Variants in ALG6 observed in about 807,000 individuals in gnomAD.
ALG6 encodes the protein ALG6 alpha-1,3-glucosyltransferase, also known as dolichyl pyrophosphate Man9GlcNAc2 alpha-1,3-glucosyltransferase.
Under a neutral mutation model 66.6 loss-of-function variants are expected in ALG6, and 46 were observed. The observed-to-expected ratio is 0.69, with a 90% CI of 0.55 to 0.88. The LOEUF is 0.88. Ranked by LOEUF, ALG6 falls within the 40% of genes least tolerant of loss-of-function variation. The probability of loss-of-function intolerance (pLI) is 0.00; values close to 1 mark genes in which losing one functional copy is unlikely to be tolerated. For missense variants in ALG6, 505 were observed against 586.8 expected (o/e 0.86, Z 1.44); for synonymous variants, 185 against 203.7 (o/e 0.91, Z 0.78).
rs1644456243 is a variant in ALG6 at position 63,400,331 on chromosome 1, ATATACGTATATATATATG to A, written c.168-1918_168-1901del. ...TGTATATATATATACGTATATATAT[ATATACGTATATATATATG>A]TATATATATATGTATATATATGTAT... On this transcript the variant is annotated intron_variant, in intron 3 of 14. Coordinates refer to ENST00000263440, the MANE Select transcript of ALG6 (RefSeq NM_013339.4). Among the ~76,000 whole-genome samples the A allele has an allele frequency of 1.6e-4, 3 of 19,174 alleles. 1 individual carries two copies. Among genetic ancestry groups the A allele is most frequent in the Admixed American group, 1.0e-3 (2 of 1,952 alleles). 12.6% of individuals were successfully genotyped at this position (19,174 alleles called of 152,430 possible).
chr1:63,375,073 T>C (rs1648074376), intron 2 of ALG6, among the ~76,000 whole-genome samples: 1 of 152,034 alleles, frequency 6.6e-6, no homozygotes, highest in Non-Finnish European at 1.5e-5. Context: ...TGATGGCACA[T>C]GCCTGTAGTC....
chr1:63,435,614 T>C (rs1644673865), intron 14 of ALG6, among the ~76,000 whole-genome samples: 1 of 152,196 alleles, frequency 6.6e-6, no homozygotes, highest in Non-Finnish European at 1.5e-5. Flanking sequence ...TGTATACCTG[T>C]GTACTGTGCT....
At chr1:63,422,269 A>ATT (rs1491547704) in intron 12 of ALG6, among the ~76,000 whole-genome samples, 5 of 73,282 alleles carry the variant, frequency 6.8e-5, no homozygotes, top group African/African-American at 3.7e-4. Flanking sequence ...ATAGATATAA[A>ATT]TATATATATA....
intron 3 of ALG6, among the ~76,000 whole-genome samples, chr1:63,400,174 A>G (rs528462718): frequency 3.2e-5 from 4 of 126,784 alleles, no homozygotes; most frequent in African/African-American, 1.2e-4. Context: ...AGCCTGGGCA[A>G]CAAGAGCAAA....
rs150976885 is a variant in ALG6, at chr1:63,428,935, C to T, written c.1135C>T (p.Pro379Ser). ...FLLVSTFSML[P>S]LLLKDELLMP... ...AAAAATTTTCCTTTACAGTATGCTACCTCTTCTATTGAAGGATGAACTCCT... is the reference window on the plus strand; with the variant it reads ...AAAAATTTTCCTTTACAGTATGCTATCTCTTCTATTGAAGGATGAACTCCT... The change falls in exon 14 of 15, where the codon CCT (proline) becomes TCT (serine). Residue 379 changes from proline (P) to serine (S), a missense_variant. By Grantham distance (74) the Pro-to-Ser change is moderately conservative. Transcript: ENST00000263440. 4.3e-5 allele frequency: 69 copies of T among 1,612,942 alleles called. No individual in the cohort carries two copies. The highest frequency in any genetic ancestry group is 5.8e-5 in the Non-Finnish European group (69 of 1,179,494).
At chr1:63,419,485 A>T (rs1444171258) in intron 12 of ALG6, 45 bp downstream of exon 12, 6 of 1,341,086 alleles carry the variant, frequency 4.5e-6, no homozygotes, top group Non-Finnish European at 6.3e-6. Flanking sequence ...TTTATAATAT[A>T]ACTTTATAAT....
intron 12 of ALG6, among the ~76,000 whole-genome samples, chr1:63,423,444 C>A (rs1280898812): frequency 1.3e-5 from 2 of 152,206 alleles, no homozygotes; most frequent in Non-Finnish European, 2.9e-5. Context: ...AGCATCACCA[C>A]TATCTACCTC....
chr1:63,432,258 G>GTTTTT lies in ALG6; in HGVS notation c.1326+3133_1326+3134insTTTTT, dbSNP rs139890401. 2.2e-3 allele frequency among the ~76,000 whole-genome samples: 322 copies of GTTTTT among 149,646 alleles called. 2 individuals are homozygous for GTTTTT. Among genetic ancestry groups the GTTTTT allele is most frequent in the African/African-American group, 7.8e-3 (316 of 40,738 alleles). On this transcript the variant is annotated intron_variant, in intron 14 of 14. Coordinates refer to ENST00000263440, the MANE Select transcript of ALG6 (RefSeq NM_013339.4). ...TCTTTTTCTGCATCTTTGGTCATGT[G>GTTTTT]TGTTTTTTTTCTTTTATTCTATTAT...
chr1:63,429,872 T>TGTGC (rs1160157091), intron 14 of ALG6: 3 of 152,454 alleles, frequency 2.0e-5, no homozygotes, highest in Non-Finnish European at 4.4e-5. Flanking sequence ...TGTGTGTGTG[T>TGTGC]GTGTGTGTGT....
intron 2 of ALG6, among the ~76,000 whole-genome samples, chr1:63,388,672 C>T (rs1421774953): frequency 6.6e-6 from 1 of 152,006 alleles, no homozygotes; most frequent in Non-Finnish European, 1.5e-5. Context: ...GAGTTTTGTA[C>T]CTTCAGATGA....
intron 12 of ALG6, among the ~76,000 whole-genome samples, chr1:63,423,423 A>G (rs1477524003): frequency 6.6e-6 from 1 of 152,180 alleles, no homozygotes; most frequent in Admixed American, 6.5e-5. Context: ...GTACATTCAC[A>G]CTGTTGTGCA....
intron 14 of ALG6, among the ~76,000 whole-genome samples, chr1:63,435,723 T>A (rs3004317): frequency 0.34 from 51,490 of 152,044 alleles, 8,956 homozygotes; most frequent in East Asian, 0.48. Context: ...GACATATATA[T>A]AAATTTAAAC....
Position 63,433,230 on chromosome 1 carries a change from C to A in ALG6, c.1327-3593C>A, listed in dbSNP as rs183630047. Among the ~76,000 whole-genome samples the A allele has an allele frequency of 6.6e-6, 1 of 152,168 alleles. No homozygotes were observed. The highest frequency in any genetic ancestry group is 1.5e-5 in the Non-Finnish European group (1 of 68,032). ...TGCTGGGATTACAGGCGTGAGCTAC[C>A]GCGCCCAGCCCAACAGGCTATACTT... On this transcript the variant is annotated intron_variant, in intron 14 of 14. Transcript: ENST00000263440. This position sits in a 1 kb window ranked among gnomAD's most constrained non-coding sequence, Gnocchi z 4.2.
intron 7 of ALG6, among the ~76,000 whole-genome samples, chr1:63,408,744 G>T (rs766371418): frequency 6.6e-6 from 1 of 152,098 alleles, no homozygotes; most frequent in Non-Finnish European, 1.5e-5. Flanking sequence ...AACTCTGAAG[G>T]CTTTCAGGCA....
intron 14 of ALG6, among the ~76,000 whole-genome samples, chr1:63,430,830 CTG>C (rs145472005): frequency 0.022 from 3,285 of 152,208 alleles, 125 homozygotes; most frequent in African/African-American, 0.074. Context: ...CTCTCCCATT[CTG>C]TGTGTTGCCT....
At chr1:63,424,675 A>G (rs1288301809) in intron 12 of ALG6, among the ~76,000 whole-genome samples, 7 of 151,992 alleles carry the variant, frequency 4.6e-5, no homozygotes, top group Non-Finnish European at 7.4e-5. Context: ...CTAAGAAACC[A>G]GTGCCAAACT....
chr1:63,375,640 A>G (rs965464875), intron 2 of ALG6, among the ~76,000 whole-genome samples: 4 of 152,052 alleles, frequency 2.6e-5, no homozygotes, highest in Non-Finnish European at 5.9e-5. Context: ...ATTAGGGAGT[A>G]TTCTCTCTTT....
At chr1:63,411,542 A>G (rs903793685) in intron 8 of ALG6, among the ~76,000 whole-genome samples, 2 of 152,112 alleles carry the variant, frequency 1.3e-5, no homozygotes, top group Non-Finnish European at 2.9e-5. Flanking sequence ...ATTCATGTAT[A>G]TTTACTGGTA....
chr1:63,374,714 A>C (rs1329137133), intron 2 of ALG6, among the ~76,000 whole-genome samples: 2 of 152,170 alleles, frequency 1.3e-5, no homozygotes, highest in African/African-American at 4.8e-5. Context: ...TATAACTAGC[A>C]CATTTATAGT....
Sources: allele counts gnomAD v4.1 joint callset (sites outside exome capture counted in the v4.1 genomes callset), GRCh38; gene constraint gnomAD v4.1.1; non-coding constraint Gnocchi (gnomAD v3.1); transcripts MANE v1.5; gene names NCBI Gene and HGNC (gene_info 2026-07-23, HGNC 2026-07-21).